LRP1B: variants seen among roughly 807,000 people sequenced by gnomAD.
LRP1B encodes LDL receptor related protein 1B.
In LRP1B, 217 loss-of-function variants were observed where a neutral mutation model predicts 556.6. The ratio of observed to expected loss-of-function variants is 0.39; its 90% CI spans 0.35 to 0.44. The LOEUF (loss-of-function observed/expected upper bound fraction) is 0.44. LRP1B is among the 20% of genes least tolerant of loss of function. LRP1B has a pLI of 1.00. For synonymous variants in LRP1B, 2,047 were observed against 1,865.8 expected, an observed-to-expected ratio of 1.10 and a Z score of -2.50; for missense variants, 5,053 against 5,620.8, an observed-to-expected ratio of 0.90 and a Z score of 3.23.
intron 32 of LRP1B, among the ~76,000 whole-genome samples, chr2:140,776,953 T>C (rs556867842): frequency 6.6e-6 from 1 of 152,328 alleles, no homozygotes; most frequent in East Asian, 1.9e-4. Flanking sequence ...TGTTTCATTT[T>C]ATAAAGAATC....
At chr2:140,659,521 T>A (rs969120220) in intron 41 of LRP1B, among the ~76,000 whole-genome samples, 3 of 152,026 alleles carry the variant, frequency 2.0e-5, no homozygotes, top group Non-Finnish European at 4.4e-5. Context: ...CCCCTGGTAC[T>A]CAGGAAATGC....
At chr2:141,250,771 G>A (rs1363879152) in intron 4 of LRP1B, among the ~76,000 whole-genome samples, 1 of 152,002 alleles carries the variant, frequency 6.6e-6, no homozygotes, top group East Asian at 1.9e-4. Flanking sequence ...GTCAGAATTG[G>A]GTTGAATTGA....
chr2:141,532,524 T>C (rs1322193985), intron 2 of LRP1B, among the ~76,000 whole-genome samples: 1 of 151,898 alleles, frequency 6.6e-6, no homozygotes, highest in Non-Finnish European at 1.5e-5. Flanking sequence ...TTTTTCAGCA[T>C]GGACAGAATT....
At chr2:141,040,819 A>G (rs1698676050) in intron 11 of LRP1B, among the ~76,000 whole-genome samples, 1 of 152,122 alleles carries the variant, frequency 6.6e-6, no homozygotes, top group Admixed American at 6.6e-5. Flanking sequence ...TGGCCCTTCA[A>G]TTGCCAAATA....
At chr2:141,849,411 G>A (rs1019946828) in intron 1 of LRP1B, among the ~76,000 whole-genome samples, 1 of 151,462 alleles carries the variant, frequency 6.6e-6, no homozygotes. Flanking sequence ...GTTGACTTCG[G>A]CTTAATAGAG....
intron 2 of LRP1B, among the ~76,000 whole-genome samples, chr2:141,500,431 C>T (rs755131255): frequency 2.0e-5 from 3 of 152,010 alleles, no homozygotes; most frequent in Non-Finnish European, 2.9e-5. Flanking sequence ...TTGCAGGCCC[C>T]GGTTACTAAG....
chr2:141,153,343 T>TATTAGCTATATATATTTATATATAATAA (rs1558896448), intron 7 of LRP1B, among the ~76,000 whole-genome samples: 1 of 77,084 alleles, frequency 1.3e-5, no homozygotes. Context: ...TAATAATATA[T>TATTAGCTATATATATTTATATATAATAA]TATATATTAG....
At chr2:141,289,527 C>G (rs559291166) in intron 3 of LRP1B, among the ~76,000 whole-genome samples, 5 of 151,754 alleles carry the variant, frequency 3.3e-5, no homozygotes, top group Non-Finnish European at 7.4e-5. Context: ...CAACCTCTCA[C>G]TGTGTTTACT....
chr2:140,552,990 T>G (rs895711226), intron 43 of LRP1B, among the ~76,000 whole-genome samples: 3 of 152,044 alleles, frequency 2.0e-5, no homozygotes, highest in African/African-American at 4.8e-5. Flanking sequence ...TAAACCTGAA[T>G]GTAAAAATAT....
intron 60 of LRP1B, among the ~76,000 whole-genome samples, chr2:140,469,846 C>T (rs907476607): frequency 6.7e-6 from 1 of 148,408 alleles, no homozygotes; most frequent in African/African-American, 2.5e-5. Context: ...TTTTGATTCT[C>T]CTGATTACTA....
At chr2:142,049,354 C>T (rs1704368092) in intron 1 of LRP1B, among the ~76,000 whole-genome samples, 1 of 152,090 alleles carries the variant, frequency 6.6e-6, no homozygotes. Context: ...ATCTTGCTTA[C>T]ATCCACTCAG....
intron 35 of LRP1B, among the ~76,000 whole-genome samples, chr2:140,738,792 A>G (rs535383099): frequency 6.6e-6 from 1 of 152,338 alleles, no homozygotes; most frequent in Admixed American, 6.5e-5. Flanking sequence ...TGTCTAAGAT[A>G]TGAATATTTA....
intron 2 of LRP1B, among the ~76,000 whole-genome samples, chr2:141,485,332 T>G (rs1683084228): frequency 6.6e-6 from 1 of 152,202 alleles, no homozygotes; most frequent in African/African-American, 2.4e-5. Context: ...TTAAGACAAT[T>G]ATAATATTTG....
At chr2:141,926,331 G>A (rs1038563672) in intron 1 of LRP1B, among the ~76,000 whole-genome samples, 6 of 152,112 alleles carry the variant, frequency 3.9e-5, no homozygotes, top group South Asian at 2.1e-4. Flanking sequence ...TGTGACTTAC[G>A]GAGTAAATGT....
chr2:141,242,723 T>C (rs1558955474), intron 5 of LRP1B, among the ~76,000 whole-genome samples: 1 of 152,114 alleles, frequency 6.6e-6, no homozygotes, highest in South Asian at 2.1e-4. Flanking sequence ...GTGTTTTTTA[T>C]TTTACTATTG....
intron 62 of LRP1B, among the ~76,000 whole-genome samples, chr2:140,453,111 A>T (rs1035508342): frequency 6.6e-6 from 1 of 151,860 alleles, no homozygotes; most frequent in African/African-American, 2.4e-5. Flanking sequence ...TGAGAACATC[A>T]GGTCTCCTGA....
At chr2:141,428,353 C>T (rs1056338840) in intron 3 of LRP1B, among the ~76,000 whole-genome samples, 4 of 152,038 alleles carry the variant, frequency 2.6e-5, no homozygotes, top group Non-Finnish European at 5.9e-5. Flanking sequence ...TGAAAAGTGA[C>T]AGAACTTCTT....
At chr2:140,750,331 G>A (rs1044287963) in intron 35 of LRP1B, among the ~76,000 whole-genome samples, 2 of 152,090 alleles carry the variant, frequency 1.3e-5, no homozygotes, top group Non-Finnish European at 1.5e-5. Context: ...GACCAAATGG[G>A]AGGAATCTGA....
chr2:140,595,094 A>ATATC (rs1558992059), intron 43 of LRP1B, among the ~76,000 whole-genome samples: 29 of 15,598 alleles, frequency 1.9e-3, no homozygotes, highest in African/African-American at 4.9e-3. Flanking sequence ...TTGAATATAT[A>ATATC]TATATATATA....
Sources: gnomAD v4.1 joint callset for allele counts (sites outside exome capture counted in the v4.1 genomes callset) on GRCh38, gnomAD v4.1.1 for gene constraint, MANE v1.5 for transcripts, NCBI Gene and HGNC (gene_info 2026-07-23, HGNC 2026-07-21) for gene names.